NEK10: variants seen among roughly 807,000 people sequenced by gnomAD.
The protein encoded by NEK10 is NIMA related kinase 10.
A neutral mutation model predicts 159.8 loss-of-function variants in NEK10; 122 were observed. The observed-to-expected ratio is 0.76, with a 90% CI of 0.66 to 0.89. The LOEUF (loss-of-function observed/expected upper bound fraction) is 0.89, where lower values mean the gene tolerates loss of function less well. NEK10 is among the 40% of genes least tolerant of loss of function. The probability of loss-of-function intolerance (pLI) is 0.00; values close to 1 mark genes in which losing one functional copy is unlikely to be tolerated. For synonymous variants in NEK10, 466 were observed against 457.1 expected (o/e 1.02, Z -0.25); for missense variants, 1,342 against 1,323.1 (o/e 1.01, Z -0.22).
At chr3:27,361,537 AG>A (rs749116118) in intron 1 of NEK10, among the ~76,000 whole-genome samples, 2 of 152,242 alleles carry the variant, frequency 1.3e-5, no homozygotes, top group Non-Finnish European at 1.5e-5. Context: ...AGAAACAGAA[AG>A]GTGAGAATTA....
In NEK10 at chr3:27,311,116, G is replaced by A. The variant is rs1399381727; in HGVS notation, c.569-100C>T. On this transcript the variant is annotated intron_variant, in intron 8 of 35. Coordinates refer to ENST00000691995, the MANE Select transcript of NEK10 (RefSeq NM_001394966.1). ...AGTGCATATGGGCAGGCAGAGAAAG[G>A]TCAAAGGGAACACAGCACAAAAGGA... 1.1e-5 allele frequency: 8 copies of A among 720,552 alleles called. No individual in the cohort carries two copies. In the East Asian group the frequency reaches 1.8e-4, roughly 17 times the overall value. 44.6% of individuals were successfully genotyped at this position (720,552 alleles called of 1,614,324 possible).
rs1457017272 is a variant in NEK10, at chr3:27,201,947, T to A, written c.2221-367A>T. On this transcript the variant is annotated intron_variant, in intron 24 of 35. Coordinates refer to ENST00000691995, the MANE Select transcript of NEK10 (RefSeq NM_001394966.1). ...GCCAAGGTGGGTGGATTACCTGAGGTCAGGAGTTCAAGACCAGCCTGGCCA... is the reference window on the plus strand; with the variant it reads ...GCCAAGGTGGGTGGATTACCTGAGGACAGGAGTTCAAGACCAGCCTGGCCA... Among the ~76,000 whole-genome samples, 9 of 151,854 alleles carry A rather than the reference T, an allele frequency of 5.9e-5. No individual in the cohort carries two copies. The East Asian group carries it at 1.7e-3, about 29-fold the overall frequency.
At chr3:27,164,352 G>A (rs1222090452) in intron 29 of NEK10, among the ~76,000 whole-genome samples, 2 of 152,048 alleles carry the variant, frequency 1.3e-5, no homozygotes, top group Non-Finnish European at 2.9e-5. Context: ...AATGCTTTCC[G>A]AATAACTTTG....
At chr3:27,247,440 T>C (rs1195271531) in intron 23 of NEK10, among the ~76,000 whole-genome samples, 1 of 152,248 alleles carries the variant, frequency 6.6e-6, no homozygotes, top group Non-Finnish European at 1.5e-5. Context: ...TTGATTTACA[T>C]ATCCTTGCAT....
chr3:27,337,792 C>A (rs1488077048), intron 5 of NEK10, among the ~76,000 whole-genome samples: 1 of 152,016 alleles, frequency 6.6e-6, no homozygotes, highest in African/African-American at 2.4e-5. Flanking sequence ...TCACCATATA[C>A]AAAAATCAAC....
intron 23 of NEK10, among the ~76,000 whole-genome samples, chr3:27,220,644 T>C (rs1031923267): frequency 1.2e-4 from 18 of 150,996 alleles, no homozygotes; most frequent in Non-Finnish European, 1.9e-4. Context: ...ACAATTGGCT[T>C]TTTTTTTTCT....
intron 23 of NEK10, chr3:27,206,708 A>G: frequency 1.3e-6 from 1 of 780,188 alleles, no homozygotes; most frequent in Non-Finnish European, 1.6e-6. Context: ...ACCACTGACG[A>G]AAATAGGGTT....
chr3:27,147,989 T>C (rs567512379), intron 30 of NEK10, among the ~76,000 whole-genome samples: 2 of 152,358 alleles, frequency 1.3e-5, no homozygotes, highest in South Asian at 4.1e-4. Context: ...ACTTTAAGAA[T>C]TGTGCTTTTG....
chr3:27,287,775 C>T (rs1249313731), intron 19 of NEK10, 32 bp from the exon 20 acceptor site: 2 of 1,498,156 alleles, frequency 1.3e-6, no homozygotes, highest in Non-Finnish European at 1.8e-6. Flanking sequence ...ACATGTATTG[C>T]ACTGCTTCAA....
At position 27,345,991 on chromosome 3, in the gene NEK10, G is replaced by A. The variant is rs1198911066; in HGVS notation, c.263+95C>T. ...GAATCGCTATGGTAAATTTTGAAGCGGGTTTTAAATTTTAGCTCCTGGGAT... is the reference window on the plus strand; with the variant it reads ...GAATCGCTATGGTAAATTTTGAAGCAGGTTTTAAATTTTAGCTCCTGGGAT... On this transcript the variant is annotated intron_variant, in intron 4 of 35. Coordinates refer to ENST00000691995, the MANE Select transcript of NEK10 (RefSeq NM_001394966.1). 141 of 1,167,146 alleles carry A rather than the reference G, an allele frequency of 1.2e-4. 2 individuals carry two copies. In the South Asian group the frequency reaches 1.6e-3, roughly 13 times the overall value. 72.3% of individuals were successfully genotyped at this position (1,167,146 alleles called of 1,614,324 possible).
intron 6 of NEK10, among the ~76,000 whole-genome samples, chr3:27,321,291 G>T (rs934984101): frequency 6.6e-6 from 1 of 152,156 alleles, no homozygotes; most frequent in Middle Eastern, 3.2e-3. Context: ...TGTTAGAAAT[G>T]AAGAATCTTG....
intron 22 of NEK10, among the ~76,000 whole-genome samples, chr3:27,279,841 A>G (rs972476325): frequency 6.6e-6 from 1 of 152,148 alleles, no homozygotes; most frequent in Non-Finnish European, 1.5e-5. Flanking sequence ...TGACACTAGG[A>G]AAATACTGCT....
At chr3:27,240,318 A>C (rs1954404498) in intron 23 of NEK10, among the ~76,000 whole-genome samples, 1 of 152,218 alleles carries the variant, frequency 6.6e-6, no homozygotes. Context: ...GTAGAAAAAA[A>C]AAAGCTGGCA....
intron 1 of NEK10, among the ~76,000 whole-genome samples, chr3:27,361,092 A>C (rs1559562073): frequency 6.6e-6 from 1 of 152,184 alleles, no homozygotes; most frequent in Non-Finnish European, 1.5e-5. Flanking sequence ...TGTTGGTCTG[A>C]GGGCTGCTCC....
intron 23 of NEK10, among the ~76,000 whole-genome samples, chr3:27,212,916 C>T (rs1951144355): frequency 1.3e-5 from 2 of 152,202 alleles, no homozygotes; most frequent in South Asian, 4.1e-4. Flanking sequence ...AAGGCCAATT[C>T]ATGCTGACTT....
At position 27,119,743 on chromosome 3, in the gene NEK10, A is replaced by G. The variant is rs1941013571; in HGVS notation, c.3190+17T>C. 6.4e-7 allele frequency: 1 copy of G among 1,569,824 alleles called. No individual in the cohort carries two copies. Among genetic ancestry groups the G allele is most frequent in the African/African-American group, 1.4e-5 (1 of 74,030 alleles). On this transcript the variant is annotated intron_variant, in intron 33 of 35. Transcript: ENST00000691995. ...TTTCTTCATGAAAGCCAGGTTACCC[A>G]TGTTGATCACTATTACCTGTAGGGT...
intron 23 of NEK10, among the ~76,000 whole-genome samples, chr3:27,248,722 T>C (rs1332171577): frequency 1.3e-5 from 2 of 152,248 alleles, no homozygotes; most frequent in Non-Finnish European, 2.9e-5. Flanking sequence ...AGAAGATGTT[T>C]GATATTATTT....
At chr3:27,240,426 C>CA (rs776268972) in intron 23 of NEK10, among the ~76,000 whole-genome samples, 54 of 149,600 alleles carry the variant, frequency 3.6e-4, no homozygotes, top group Non-Finnish European at 7.1e-4. Context: ...GGTGATTTCA[C>CA]AAAAAAGATA....
intron 30 of NEK10, among the ~76,000 whole-genome samples, chr3:27,160,181 G>T (rs35452392): frequency 0.05 from 7,636 of 152,110 alleles, 239 homozygotes; most frequent in Non-Finnish European, 0.06. Context: ...AATGCTTAAG[G>T]TATAACTCGC....
Sources: gnomAD v4.1 joint callset for allele counts (sites outside exome capture counted in the v4.1 genomes callset) on GRCh38, gnomAD v4.1.1 for gene constraint, MANE v1.5 for transcripts, NCBI Gene and HGNC (gene_info 2026-07-23, HGNC 2026-07-21) for gene names.